The following EPHB1 variants were observed in gnomAD, a reference collection of about 807,000 sequenced individuals.
The protein encoded by EPHB1 is EPH receptor B1.
In EPHB1, 30 loss-of-function variants were observed where a neutral mutation model predicts 94.4. That is an observed-to-expected ratio of 0.32 (90% confidence interval 0.24 to 0.43). The LOEUF is 0.43. EPHB1 is among the 20% of genes least tolerant of loss of function. The probability of loss-of-function intolerance (pLI) is 1.00; values close to 1 mark genes in which losing one functional copy is unlikely to be tolerated. For missense variants in EPHB1, 1,055 were observed against 1,308.3 expected (o/e 0.81, Z 2.99); for synonymous variants, 522 against 489.1 (o/e 1.07, Z -0.89).
chr3:135,152,103 T>C (rs1002780877), intron 5 of EPHB1, among the ~76,000 whole-genome samples: 5 of 152,210 alleles, frequency 3.3e-5, no homozygotes, highest in Admixed American at 1.3e-4. Flanking sequence ...ATGGTCTCAT[T>C]TGGAAAAGAG....
At position 134,876,876 on chromosome 3, in the gene EPHB1, T is replaced by G. The variant is rs189916329; in HGVS notation, c.59-48940T>G. 3.1e-4 allele frequency among the ~76,000 whole-genome samples: 47 copies of G among 152,274 alleles called. 1 individual carries two copies. The East Asian group carries it at 8.7e-3, about 28-fold the overall frequency. On this transcript the variant is annotated intron_variant, in intron 1 of 15. Transcript: ENST00000398015. ...GTTCTAGCAAACCTTCTTTGACTGC[T>G]CCCACCTTCCCCAAGAGGTCTGCAT...
intron 3 of EPHB1, among the ~76,000 whole-genome samples, chr3:135,061,800 A>T (rs1015200299): frequency 2.0e-5 from 3 of 151,852 alleles, no homozygotes; most frequent in Non-Finnish European, 2.9e-5. Flanking sequence ...TCCTGTGTCC[A>T]TGTGTTCTCA....
intron 2 of EPHB1, among the ~76,000 whole-genome samples, chr3:134,927,077 T>A (rs2038807328): frequency 6.6e-6 from 1 of 152,180 alleles, no homozygotes; most frequent in Admixed American, 6.5e-5. Context: ...GGGTGATGTC[T>A]GGCTAGGACA....
chr3:135,115,907 G>T lies in EPHB1; in HGVS notation c.961+9304G>T, dbSNP rs563554745. 5.3e-5 allele frequency among the ~76,000 whole-genome samples: 8 copies of T among 152,244 alleles called. No individual in the cohort carries two copies. The East Asian group carries it at 1.5e-3, about 29-fold the overall frequency. ...TAAGAAGTGGGTTTTGAGTCTCTAA[G>T]ATATGCAATTAAAAATAAGAAAACA... On this transcript the variant is annotated intron_variant, in intron 4 of 15. Coordinates refer to ENST00000398015, the MANE Select transcript of EPHB1 (RefSeq NM_004441.5).
chr3:134,837,318 C>A (rs1024850668), intron 1 of EPHB1, among the ~76,000 whole-genome samples: 1 of 152,060 alleles, frequency 6.6e-6, no homozygotes, highest in Admixed American at 6.5e-5. Flanking sequence ...TATTTGGTTA[C>A]AAAAAAACAA....
chr3:134,893,998 G>A (rs2038038522), intron 1 of EPHB1, among the ~76,000 whole-genome samples: 1 of 152,194 alleles, frequency 6.6e-6, no homozygotes, highest in African/African-American at 2.4e-5. Context: ...TCTTAAATTT[G>A]CTTCCTCTGT....
At chr3:134,846,983 G>A (rs1412325454) in intron 1 of EPHB1, among the ~76,000 whole-genome samples, 2 of 152,152 alleles carry the variant, frequency 1.3e-5, no homozygotes, top group East Asian at 3.9e-4. Flanking sequence ...GAGATTAATA[G>A]CCCTTACCCC....
chr3:134,882,444 T>C (rs72984089), intron 1 of EPHB1, among the ~76,000 whole-genome samples: 2,282 of 152,300 alleles, frequency 0.015, 47 homozygotes, highest in African/African-American at 0.052. Context: ...CTTTTTATCT[T>C]TTCTCTCAGG....
chr3:134,836,311 T>C (rs2036673153), intron 1 of EPHB1, among the ~76,000 whole-genome samples: 1 of 152,238 alleles, frequency 6.6e-6, no homozygotes, highest in African/African-American at 2.4e-5. Context: ...TAATAATGGA[T>C]TTAAACTCCT....
rs1262873553 is a variant in EPHB1 at position 134,875,686 on chromosome 3, C to T, written c.59-50130C>T. ...AATGTTTTTGAGCGGGCTGGAAACA[C>T]CATAGATCGCTGTACCTAAGTGAGA... On this transcript the variant is annotated intron_variant, in intron 1 of 15. Transcript: ENST00000398015. Among the ~76,000 whole-genome samples, 3 of 152,176 alleles carry T rather than the reference C, an allele frequency of 2.0e-5. No individual in the cohort carries two copies. The East Asian group carries it at 5.8e-4, about 29-fold the overall frequency.
intron 1 of EPHB1, among the ~76,000 whole-genome samples, chr3:134,881,230 C>G (rs546221857): frequency 6.6e-6 from 1 of 152,092 alleles, no homozygotes; most frequent in Non-Finnish European, 1.5e-5. Flanking sequence ...GGCAGAGGCT[C>G]CAAAGGCTCT....
intron 3 of EPHB1, among the ~76,000 whole-genome samples, chr3:135,039,167 T>C (rs1217336311): frequency 6.6e-6 from 1 of 151,380 alleles, no homozygotes; most frequent in South Asian, 2.1e-4. Flanking sequence ...AGAGTGCCGA[T>C]TGGTGTATTT....
chr3:135,039,749 AC>A (rs1397794193), intron 3 of EPHB1, among the ~76,000 whole-genome samples: 1 of 152,110 alleles, frequency 6.6e-6, no homozygotes, highest in African/African-American at 2.4e-5. Context: ...GCCCATGCCC[AC>A]CCGGAACTCA....
At chr3:135,078,456 G>C (rs893214136) in intron 3 of EPHB1, among the ~76,000 whole-genome samples, 6 of 152,208 alleles carry the variant, frequency 3.9e-5, no homozygotes, top group African/African-American at 1.4e-4. Context: ...GTAATGTGCA[G>C]ACAGGTAGAA....
At chr3:134,978,160 C>G (rs1013021833) in intron 3 of EPHB1, 1 of 307,982 alleles carries the variant, frequency 3.2e-6, no homozygotes, top group African/African-American at 5.6e-5. Context: ...CTGCAATCCA[C>G]TGAGTTACAA....
intron 1 of EPHB1, among the ~76,000 whole-genome samples, chr3:134,855,467 C>T (rs2037092574): frequency 6.6e-6 from 1 of 152,162 alleles, no homozygotes; most frequent in Non-Finnish European, 1.5e-5. Context: ...AACTGCTGGA[C>T]CTGTAGACAG....
intron 12 of EPHB1, among the ~76,000 whole-genome samples, chr3:135,214,798 T>G (rs896734792): frequency 9.2e-5 from 14 of 152,228 alleles, no homozygotes; most frequent in Admixed American, 6.5e-5. Context: ...GATATTGTAC[T>G]GCCCAATTGA....
intron 1 of EPHB1, among the ~76,000 whole-genome samples, chr3:134,831,737 C>T (rs989818976): frequency 1.1e-4 from 16 of 152,166 alleles, no homozygotes; most frequent in Admixed American, 1.3e-4. Flanking sequence ...CTTTTTGTCC[C>T]GTTTTATAAC....
chr3:135,179,653 A>C (rs2107704721), intron 9 of EPHB1, among the ~76,000 whole-genome samples: 1 of 152,314 alleles, frequency 6.6e-6, no homozygotes, highest in East Asian at 1.9e-4. Context: ...ATGGAGGAGA[A>C]GTAGAGGACA....
Sources: allele counts gnomAD v4.1 joint callset (sites outside exome capture counted in the v4.1 genomes callset), GRCh38; gene constraint gnomAD v4.1.1; transcripts MANE v1.5; gene names NCBI Gene and HGNC (gene_info 2026-07-23, HGNC 2026-07-21).